Variants in ITGB5 observed in about 807,000 individuals in gnomAD.
The protein encoded by ITGB5 is integrin beta-5.
ITGB5 carries 38 observed loss-of-function variants against 84.8 expected under a neutral mutation model. That is an observed-to-expected ratio of 0.45 (90% confidence interval 0.35 to 0.59). The LOEUF is 0.59. Ranked by LOEUF, ITGB5 falls within the 20% of genes least tolerant of loss-of-function variation. The pLI, the probability that ITGB5 is intolerant of heterozygous loss-of-function variation, is 0.01. For missense variants in ITGB5, 905 were observed against 1,034.5 expected (o/e 0.87, Z 1.72); for synonymous variants, 393 against 414.4 (o/e 0.95, Z 0.63).
chr3:124,841,926 G>A (rs1007266113), intron 4 of ITGB5, among the ~76,000 whole-genome samples: 1 of 152,210 alleles, frequency 6.6e-6, no homozygotes. Context: ...GTGTCCTCTG[G>A]GCTAAGGAAC....
chr3:124,870,677 C>A (rs2169972), intron 2 of ITGB5, among the ~76,000 whole-genome samples: 2 of 146,578 alleles, frequency 1.4e-5, no homozygotes, highest in Admixed American at 1.4e-4. Flanking sequence ...AGTGAGCCGA[C>A]ATCATGCCAC....
At chr3:124,866,079 T>G (rs1207403669) in intron 2 of ITGB5, among the ~76,000 whole-genome samples, 1 of 152,174 alleles carries the variant, frequency 6.6e-6, no homozygotes, top group Non-Finnish European at 1.5e-5. Flanking sequence ...CACTGCAACT[T>G]CTGCCTCCTG....
At chr3:124,815,098 T>C (rs554159600) in intron 8 of ITGB5, among the ~76,000 whole-genome samples, 4 of 152,338 alleles carry the variant, frequency 2.6e-5, no homozygotes, top group African/African-American at 7.2e-5. Context: ...GAAATCCTGC[T>C]CAGGGCTAAG....
rs149006795 is a variant in ITGB5, at chr3:124,807,226, A to G, written c.1263+1796T>C. ...AGCCCAGAAGTTCAAGACCAGCCTG[A>G]GCAACATGGTGAAACTCCGTCTCTA... is the stretch of plus-strand genomic sequence containing the variant. On this transcript the variant is annotated intron_variant, in intron 9 of 14. Transcript: ENST00000296181. Among the ~76,000 whole-genome samples the G allele has an allele frequency of 1.2e-4, 18 of 152,284 alleles. No individual in the cohort carries two copies. The East Asian group carries it at 3.3e-3, about 28-fold the overall frequency.
chr3:124,770,373 AC>A (rs945521738), intron 11 of ITGB5, among the ~76,000 whole-genome samples: 18 of 152,234 alleles, frequency 1.2e-4, no homozygotes, highest in Admixed American at 1.0e-3. Flanking sequence ...CCTCAGCTAC[AC>A]GAGGGACAGC....
At chr3:124,821,604 G>A (rs58499062) in intron 5 of ITGB5, 130 bp from the exon 6 acceptor site, 2 of 998,014 alleles carry the variant, frequency 2.0e-6, no homozygotes, top group Non-Finnish European at 3.0e-6. Context: ...GTGTACCTGG[G>A]GCACACTCAC....
At chr3:124,836,949 TAAAG>T (rs2064943130) in intron 5 of ITGB5, among the ~76,000 whole-genome samples, 2 of 152,198 alleles carry the variant, frequency 1.3e-5, no homozygotes, top group African/African-American at 2.4e-5. Flanking sequence ...AAACTCTGTC[TAAAG>T]AATACAAAGG....
At chr3:124,807,782 A>G (rs2107534773) in intron 9 of ITGB5, among the ~76,000 whole-genome samples, 1 of 151,708 alleles carries the variant, frequency 6.6e-6, no homozygotes, top group Non-Finnish European at 1.5e-5. Context: ...CGTCTCTACT[A>G]AAAATACAAA....
chr3:124,886,857 G>A (rs1453356477), intron 1 of ITGB5, 74 bp downstream of exon 1: 13 of 956,450 alleles, frequency 1.4e-5, no homozygotes, highest in Non-Finnish European at 1.6e-5. Context: ...TGCGCTCCCC[G>A]CCCCTCCGAG....
At chr3:124,815,199 C>A (rs2064569040) in intron 8 of ITGB5, among the ~76,000 whole-genome samples, 1 of 152,244 alleles carries the variant, frequency 6.6e-6, no homozygotes, top group Non-Finnish European at 1.5e-5. Flanking sequence ...CACGCAGAAC[C>A]CACCAGTCAC....
chr3:124,850,498 T>G (rs183555300), intron 3 of ITGB5, among the ~76,000 whole-genome samples: 2 of 134,106 alleles, frequency 1.5e-5, no homozygotes. Context: ...TCAGGATTGA[T>G]GGAGTTTGAG....
chr3:124,866,237 C>G (rs751656012), intron 2 of ITGB5, among the ~76,000 whole-genome samples: 1 of 152,102 alleles, frequency 6.6e-6, no homozygotes, highest in African/African-American at 2.4e-5. Context: ...CCCGCTTCAG[C>G]CTCCCAAAGT....
chr3:124,779,248 C>CA (rs11425382), intron 10 of ITGB5, among the ~76,000 whole-genome samples: 24,957 of 151,956 alleles, frequency 0.16, 2,240 homozygotes, highest in Admixed American at 0.25. Flanking sequence ...GAGGCAGGAT[C>CA]AGGTCTTTGG....
At chr3:124,766,932 G>T (rs1478144165) in intron 12 of ITGB5, among the ~76,000 whole-genome samples, 3 of 152,190 alleles carry the variant, frequency 2.0e-5, no homozygotes, top group African/African-American at 7.2e-5. Flanking sequence ...GCTGTCCCCA[G>T]CCTGGCCCTG....
At chr3:124,780,070 A>G (rs1404008362) in intron 10 of ITGB5, among the ~76,000 whole-genome samples, 1 of 152,110 alleles carries the variant, frequency 6.6e-6, no homozygotes, top group Non-Finnish European at 1.5e-5. Flanking sequence ...GGCATGCCAG[A>G]GCAGGGCACA....
intron 11 of ITGB5, among the ~76,000 whole-genome samples, chr3:124,773,071 AATTTTTGT>A: frequency 1.3e-5 from 2 of 152,032 alleles, no homozygotes; most frequent in Non-Finnish European, 2.9e-5. Context: ...ACACCCCGCT[AATTTTTGT>A]ATTTTTAGTA....
intron 9 of ITGB5, among the ~76,000 whole-genome samples, chr3:124,806,424 ATTTT>A (rs71145488): frequency 2.7e-5 from 2 of 72,772 alleles, no homozygotes; most frequent in Non-Finnish European, 5.3e-5. Flanking sequence ...GCCTCATTCC[ATTTT>A]TTTTTTTTTT....
chr3:124,894,556 G>C (rs1352525365), intron 1 of ITGB5: 1 of 152,068 alleles, frequency 6.6e-6, no homozygotes, highest in African/African-American at 2.4e-5. Flanking sequence ...AACTCTCCTG[G>C]ATTCTTTCTC....
rs761065774 is a variant in ITGB5 at position 124,859,361 on chromosome 3, C to T, written c.242G>A (p.Ser81Asn). ...CAGGACATGGAAGCTGCTGGCTGGG[C>T]TCTCTATCTCACCTCCACAGCCATT... ...VKNGCGGEIE[S>N]PASSFHVLRS... Residue 81 changes from serine (S) to asparagine (N), a missense_variant, in exon 3 of 15, where the codon AGC (serine) becomes AAC (asparagine). Ser to Asn is a conservative substitution (Grantham distance 46, BLOSUM62 1). Coordinates refer to ENST00000296181, the MANE Select transcript of ITGB5 (RefSeq NM_002213.5). The T allele has an allele frequency of 6.2e-7, 1 of 1,614,110 alleles. No individual in the cohort carries two copies. The highest frequency in any genetic ancestry group is 8.5e-7 in the Non-Finnish European group (1 of 1,179,994).
Sources: allele counts gnomAD v4.1 joint callset (sites outside exome capture counted in the v4.1 genomes callset), GRCh38; gene constraint gnomAD v4.1.1; transcripts MANE v1.5; gene names NCBI Gene and HGNC (gene_info 2026-07-23, HGNC 2026-07-21).